The following MCHR2 variants were observed in gnomAD, a reference collection of about 807,000 sequenced individuals.
MCHR2 encodes melanin concentrating hormone receptor 2, also known as melanin-concentrating hormone receptor 2.
Under a neutral mutation model 24.8 loss-of-function variants are expected in MCHR2, and 15 were observed. The ratio of observed to expected loss-of-function variants is 0.60; its 90% confidence interval spans 0.40 to 0.93. The LOEUF is 0.93. Ranked by LOEUF, MCHR2 falls within the 40% of genes least tolerant of loss-of-function variation. The pLI is 0.00. For synonymous variants in MCHR2, 151 were observed against 147.6 expected (o/e 1.02, Z -0.17); for missense variants, 386 against 408.7 (o/e 0.94, Z 0.48).
intron 5 of MCHR2, among the ~76,000 whole-genome samples, chr6:99,928,910 C>G (rs368874001): frequency 1.9e-4 from 29 of 152,106 alleles, no homozygotes; most frequent in South Asian, 6.2e-4. Context: ...TGGTTTTCTA[C>G]TTCTTTTAAT....
At position 99,934,529 on chromosome 6, in the gene MCHR2, G is replaced by C; in HGVS notation, c.588-12C>G. 1 of 1,548,006 alleles carries C rather than the reference G, an allele frequency of 6.5e-7. No individual in the cohort carries two copies. The highest frequency in any genetic ancestry group is 8.7e-7 in the Non-Finnish European group (1 of 1,154,142). ...AATAAAGTGTATACCTGTAAAATGA[G>C]AGAGAGAAGAGAGAGAGAGAAAGAA... On this transcript the variant is annotated splice_polypyrimidine_tract_variant and intron_variant, in intron 4 of 5. Coordinates refer to ENST00000281806, the MANE Select transcript of MCHR2 (RefSeq NM_001040179.2).
chr6:99,990,540 G>A (rs536968778), intron 1 of MCHR2, among the ~76,000 whole-genome samples: 88 of 152,236 alleles, frequency 5.8e-4, no homozygotes, highest in Non-Finnish European at 9.4e-4. Context: ...TGTTAATTAA[G>A]TAAAATGTAC....
intron 5 of MCHR2, among the ~76,000 whole-genome samples, chr6:99,925,275 TC>T (rs1774326981): frequency 2.0e-5 from 3 of 152,082 alleles, no homozygotes; most frequent in African/African-American, 7.2e-5. Context: ...TTTTTTTCAG[TC>T]TATGTGTGTC....
chr6:99,966,617 C>T (rs183238348), intron 1 of MCHR2, among the ~76,000 whole-genome samples: 1 of 152,072 alleles, frequency 6.6e-6, no homozygotes, highest in Admixed American at 6.6e-5. Context: ...TCAGCAAGTA[C>T]CATATTCTTA....
chr6:99,961,977 T>C (rs753896462), intron 1 of MCHR2, among the ~76,000 whole-genome samples: 5 of 152,172 alleles, frequency 3.3e-5, no homozygotes, highest in Non-Finnish European at 7.4e-5. Flanking sequence ...CACAGATAGA[T>C]TTTTTCTCAT....
intron 5 of MCHR2, among the ~76,000 whole-genome samples, chr6:99,928,480 GT>G: frequency 6.6e-6 from 1 of 152,142 alleles, no homozygotes; most frequent in Non-Finnish European, 1.5e-5. Flanking sequence ...ACTCTTTTTG[GT>G]TGGTAAGCTA....
intron 4 of MCHR2, 130 bp from the exon 5 acceptor site, chr6:99,934,647 G>T (rs1325492498): frequency 2.5e-6 from 2 of 786,188 alleles, no homozygotes; most frequent in Non-Finnish European, 3.6e-6. Context: ...GAAAGTCCTT[G>T]TGGAAAAGCT....
intron 1 of MCHR2, among the ~76,000 whole-genome samples, chr6:99,971,198 G>A (rs942709530): frequency 3.3e-5 from 5 of 152,164 alleles, no homozygotes; most frequent in Admixed American, 3.3e-4. Context: ...CCATGAGCAT[G>A]GAATGTTCTT....
chr6:99,978,893 G>A (rs551917520), intron 1 of MCHR2, among the ~76,000 whole-genome samples: 4 of 152,266 alleles, frequency 2.6e-5, no homozygotes, highest in Non-Finnish European at 5.9e-5. Flanking sequence ...CTGTTCTGAC[G>A]TTGGTTGGAG....
Position 99,961,342 on chromosome 6 carries a change from C to T in MCHR2, c.-27-5168G>A, listed in dbSNP as rs150158582. On this transcript the variant is annotated intron_variant, in intron 1 of 5. Transcript: ENST00000281806. ...GAACTAGAAATACCATTTGACCCAG[C>T]GATCCCATTACTGGTTATACACCCA... Among the ~76,000 whole-genome samples the T allele has an allele frequency of 4.4e-4, 67 of 152,100 alleles. 2 individuals are homozygous for T. The East Asian group carries it at 6.0e-3, about 14-fold the overall frequency.
At position 99,921,387 on chromosome 6, in the gene MCHR2, C is replaced by T. The variant is rs539479669; in HGVS notation, c.708-132G>A. 9.0e-5 allele frequency: 69 copies of T among 764,346 alleles called. 1 individual carries two copies. In the South Asian group the frequency reaches 1.4e-3, roughly 16 times the overall value. 47.3% of individuals were successfully genotyped at this position (764,346 alleles called of 1,614,324 possible). A position where few individuals can be genotyped will look rare whatever the true frequency, so the allele number is the denominator to read the frequency against. On this transcript the variant is annotated intron_variant, in intron 5 of 5. Coordinates refer to ENST00000281806, the MANE Select transcript of MCHR2 (RefSeq NM_001040179.2). ...TATGAAGCTCATTATTATATTCCTA[C>T]TTACTTGGTGCATTGTGATATATTC...
At chr6:99,980,644 G>C (rs115341240) in intron 1 of MCHR2, among the ~76,000 whole-genome samples, 1 of 151,962 alleles carries the variant, frequency 6.6e-6, no homozygotes, top group Non-Finnish European at 1.5e-5. Context: ...AAAAATTTTC[G>C]AGATATAACC....
At chr6:99,985,422 C>A (rs1775751627) in intron 1 of MCHR2, among the ~76,000 whole-genome samples, 1 of 152,086 alleles carries the variant, frequency 6.6e-6, no homozygotes, top group Admixed American at 6.5e-5. Flanking sequence ...TACCTGACTT[C>A]AAATTATACT....
intron 4 of MCHR2, among the ~76,000 whole-genome samples, chr6:99,938,553 AG>A (rs1431796841): frequency 6.6e-6 from 1 of 152,052 alleles, no homozygotes; most frequent in African/African-American, 2.4e-5. Context: ...TTGTGGTCAA[AG>A]ATACTTGCTA....
At chr6:99,925,677 A>C (rs1351739688) in intron 5 of MCHR2, among the ~76,000 whole-genome samples, 1 of 152,114 alleles carries the variant, frequency 6.6e-6, no homozygotes, top group Non-Finnish European at 1.5e-5. Flanking sequence ...GCAAAAAGAA[A>C]ACCAGTAAAA....
At chr6:99,982,818 T>C (rs901369005) in intron 1 of MCHR2, among the ~76,000 whole-genome samples, 6 of 152,180 alleles carry the variant, frequency 3.9e-5, no homozygotes, top group African/African-American at 1.4e-4. Context: ...ATTTAGATGC[T>C]GAGACAAATG....
At chr6:99,974,539 T>C (rs988040261) in intron 1 of MCHR2, among the ~76,000 whole-genome samples, 2 of 152,238 alleles carry the variant, frequency 1.3e-5, no homozygotes, top group Non-Finnish European at 1.5e-5. Flanking sequence ...TTTGATTGGC[T>C]GGAGCCTTCT....
intron 1 of MCHR2, among the ~76,000 whole-genome samples, chr6:99,970,780 G>A (rs1775395676): frequency 6.6e-6 from 1 of 152,110 alleles, no homozygotes; most frequent in South Asian, 2.1e-4. Context: ...TTCTACATAT[G>A]GCTAGCCAGT....
chr6:99,952,508 A>G (rs1278921662), intron 2 of MCHR2, among the ~76,000 whole-genome samples: 3 of 152,168 alleles, frequency 2.0e-5, no homozygotes, highest in Non-Finnish European at 1.5e-5. Context: ...CTGTAAAAGG[A>G]AAAGTCATTA....
Sources: gnomAD v4.1 joint callset for allele counts (sites outside exome capture counted in the v4.1 genomes callset) on GRCh38, gnomAD v4.1.1 for gene constraint, MANE v1.5 for transcripts, NCBI Gene and HGNC (gene_info 2026-07-23, HGNC 2026-07-21) for gene names.